The following REEP1 variants were observed in gnomAD, a reference collection of about 807,000 sequenced individuals.
The protein encoded by REEP1 is receptor expression-enhancing protein 1.
REEP1 carries 22 observed loss-of-function variants against 40.3 expected under a neutral mutation model. That is an observed-to-expected ratio of 0.55 (90% confidence interval 0.39 to 0.78). REEP1 has a LOEUF of 0.78. REEP1 is among the 30% of genes least tolerant of loss of function. REEP1 has a pLI of 0.00. For missense variants in REEP1, 280 were observed against 361.1 expected (o/e 0.78, Z 1.82); for synonymous variants, 116 against 139.2 (o/e 0.83, Z 1.17).
chr2:86,233,814 C>T (rs1675152390), intron 5 of REEP1, among the ~76,000 whole-genome samples: 1 of 152,078 alleles, frequency 6.6e-6, no homozygotes, highest in Admixed American at 6.5e-5. Context: ...GCAGGGTTCC[C>T]TCGGGTGCAT....
chr2:86,293,069 A>AATTC lies in REEP1; in HGVS notation c.33-10831_33-10828dup, dbSNP rs10524777. On this transcript the variant is annotated intron_variant, in intron 1 of 8. Transcript: ENST00000538924. Reference sequence around the variant, plus strand: ...AGGGACCTGGGACATTAAGAGGTTAAATTCATTCATTCATTCATTCATTCA... The same window carrying AATTC: ...AGGGACCTGGGACATTAAGAGGTTAAATTCATTCATTCATTCATTCATTCATTCA... Among the ~76,000 whole-genome samples, 769 of 150,952 alleles carry AATTC rather than the reference A, an allele frequency of 5.1e-3. 1 individual carries two copies. Among genetic ancestry groups the AATTC allele is most frequent in the African/African-American group, 0.014 (574 of 40,996 alleles).
chr2:86,224,770 C>T (rs1396718389), intron 7 of REEP1, among the ~76,000 whole-genome samples: 1 of 152,178 alleles, frequency 6.6e-6, no homozygotes, highest in Non-Finnish European at 1.5e-5. Flanking sequence ...TGCAGCCTTC[C>T]AGAACTATTC....
At chr2:86,300,512 T>C (rs1413837568) in intron 1 of REEP1, among the ~76,000 whole-genome samples, 1 of 152,154 alleles carries the variant, frequency 6.6e-6, no homozygotes, top group Non-Finnish European at 1.5e-5. Flanking sequence ...CTTGGCCATA[T>C]ACACATGAAA....
chr2:86,271,312 CT>C (rs1290115375), intron 2 of REEP1, among the ~76,000 whole-genome samples: 1 of 144,220 alleles, frequency 6.9e-6, no homozygotes, highest in African/African-American at 2.6e-5. Flanking sequence ...CATAGTAAAA[CT>C]GCTTAAAAAA....
intron 1 of REEP1, among the ~76,000 whole-genome samples, chr2:86,324,018 CA>C (rs1573053621): frequency 1.3e-5 from 2 of 151,946 alleles, no homozygotes; most frequent in East Asian, 3.9e-4. Context: ...ATATAAAAAT[CA>C]ACTCAAGGTA....
At position 86,252,052 on chromosome 2, in the gene REEP1, C is replaced by T. The variant is rs1474498257; in HGVS notation, c.322G>A (p.Val108Ile). ...TCGTAACTTCGGTCTTTTGCTTGGA[C>T]CAGACAATCATCGATTTCCTGTCAA... The part of the protein sequence containing the change: ...SKEKEIDDCL[V>I]QAKDRSYDAL... Residue 108 changes from valine to isoleucine, a missense_variant, in exon 5 of 9, where the codon GTC becomes ATC. Val to Ile is a conservative substitution (Grantham distance 29, BLOSUM62 3). Coordinates refer to ENST00000538924, the MANE Select transcript of REEP1 (RefSeq NM_001371279.1). 1.9e-6 allele frequency: 3 copies of T among 1,613,460 alleles called. No homozygotes were observed. Among genetic ancestry groups the T allele is most frequent in the Non-Finnish European group, 2.5e-6 (3 of 1,179,522 alleles).
intron 2 of REEP1, among the ~76,000 whole-genome samples, chr2:86,267,232 G>C (rs567816123): frequency 6.6e-6 from 1 of 152,128 alleles, no homozygotes; most frequent in Admixed American, 6.5e-5. Context: ...GGAGGTGATT[G>C]GTTCATGGGG....
intron 7 of REEP1, among the ~76,000 whole-genome samples, chr2:86,226,117 T>C (rs868413480): frequency 0.036 from 1,364 of 37,910 alleles, 14 homozygotes; most frequent in Non-Finnish European, 0.073. Flanking sequence ...ACCACCACCA[T>C]CATCACCACC....
At chr2:86,234,042 G>A (rs1040100109) in intron 5 of REEP1, among the ~76,000 whole-genome samples, 57 of 152,070 alleles carry the variant, frequency 3.7e-4, no homozygotes, top group Admixed American at 1.0e-3. Flanking sequence ...GGTTTTCAGG[G>A]GTGAGAGAAG....
At chr2:86,274,360 GA>G (rs1248044610) in intron 2 of REEP1, among the ~76,000 whole-genome samples, 1 of 152,218 alleles carries the variant, frequency 6.6e-6, no homozygotes, top group Non-Finnish European at 1.5e-5. Flanking sequence ...TGAGGCTATG[GA>G]CAGAGATGCT....
intron 1 of REEP1, among the ~76,000 whole-genome samples, chr2:86,296,579 G>A (rs1375040065): frequency 2.6e-5 from 4 of 152,206 alleles, no homozygotes; most frequent in Non-Finnish European, 4.4e-5. Flanking sequence ...GTCTAAGGCC[G>A]GGCATAGTGG....
At chr2:86,309,060 G>T (rs535182913) in intron 1 of REEP1, among the ~76,000 whole-genome samples, 93 of 152,210 alleles carry the variant, frequency 6.1e-4, no homozygotes, top group African/African-American at 2.0e-3. Flanking sequence ...CCACCTTTAG[G>T]CCTGACATGA....
At chr2:86,315,195 G>A (rs1048639391) in intron 1 of REEP1, among the ~76,000 whole-genome samples, 2 of 152,166 alleles carry the variant, frequency 1.3e-5, no homozygotes, top group African/African-American at 2.4e-5. Context: ...CCTGCCAGGA[G>A]GGTGAGCCCC....
rs1029459391 is a variant in REEP1, at chr2:86,297,641, G to A, written c.33-15399C>T. Reference sequence around the variant, plus strand: ...TACCTGCAAGAGAGATTCTCCCCGGGGGTTGGAGGGAGGAAGAGAACACTT... The same window carrying A: ...TACCTGCAAGAGAGATTCTCCCCGGAGGTTGGAGGGAGGAAGAGAACACTT... On this transcript the variant is annotated intron_variant, in intron 1 of 8. Coordinates refer to ENST00000538924, the MANE Select transcript of REEP1 (RefSeq NM_001371279.1). 6 of 914,794 alleles carry A rather than the reference G, an allele frequency of 6.6e-6. No individual in the cohort carries two copies. The African/African-American group carries it at 7.2e-5, about 11-fold the overall frequency. The allele number at this position is 914,794 out of a possible 1,614,324, so 56.7% of individuals were successfully genotyped here.
chr2:86,278,702 CAG>C (rs1054209834), intron 2 of REEP1, among the ~76,000 whole-genome samples: 1 of 152,182 alleles, frequency 6.6e-6, no homozygotes. Context: ...TGTGCACTGT[CAG>C]GGGATGCCTC....
At chr2:86,337,717 C>T, upstream of REEP1, 2 of 943,604 alleles carry the variant, frequency 2.1e-6, no homozygotes. This position sits in a 1 kb window ranked among gnomAD's most constrained non-coding sequence, Gnocchi z 5.8. Flanking sequence ...CCCCCCGGGG[C>T]TCGGCGGGCC....
chr2:86,291,644 A>G (rs1678700127), intron 1 of REEP1, among the ~76,000 whole-genome samples: 1 of 151,838 alleles, frequency 6.6e-6, no homozygotes, highest in African/African-American at 2.4e-5. Flanking sequence ...CAGTTTACAA[A>G]TAAAAAAAAC....
intron 1 of REEP1, among the ~76,000 whole-genome samples, chr2:86,327,687 C>T (rs998404816): frequency 6.6e-6 from 1 of 151,958 alleles, no homozygotes; most frequent in Admixed American, 6.6e-5. Flanking sequence ...CCTGCCTCAG[C>T]CTCCTGAGTA....
chr2:86,311,586 T>C (rs1679767163), intron 1 of REEP1, among the ~76,000 whole-genome samples: 1 of 152,138 alleles, frequency 6.6e-6, no homozygotes, highest in African/African-American at 2.4e-5. Flanking sequence ...GGCTCAATTG[T>C]CACACAGTAT....
Sources: gnomAD v4.1 joint callset for allele counts (sites outside exome capture counted in the v4.1 genomes callset) on GRCh38, gnomAD v4.1.1 for gene constraint, Gnocchi (gnomAD v3.1) non-coding constraint, MANE v1.5 for transcripts, NCBI Gene and HGNC (gene_info 2026-07-23, HGNC 2026-07-21) for gene names.